The following CA12 variants were observed in gnomAD, a reference collection of about 807,000 sequenced individuals.
CA12 encodes carbonate dehydratase XII.
Under a neutral mutation model 46.8 loss-of-function variants are expected in CA12, and 36 were observed. The ratio of observed to expected loss-of-function variants is 0.77; its 90% CI spans 0.59 to 1.02. The LOEUF (loss-of-function observed/expected upper bound fraction) is 1.02. Ranked by LOEUF, CA12 falls within the 50% of genes least tolerant of loss-of-function variation. CA12 has a pLI of 0.00. For synonymous variants in CA12, 202 were observed against 187.0 expected (o/e 1.08, Z -0.65); for missense variants, 436 against 451.4 (o/e 0.97, Z 0.31).
chr15:63,377,710 T>G (rs2039594921), intron 1 of CA12, among the ~76,000 whole-genome samples: 1 of 152,216 alleles, frequency 6.6e-6, no homozygotes, highest in South Asian at 2.1e-4. Context: ...GAGCAACCAC[T>G]TTGGATCTTT....
chr15:63,380,825 C>T (rs888168905), intron 1 of CA12, among the ~76,000 whole-genome samples: 17 of 152,182 alleles, frequency 1.1e-4, no homozygotes, highest in African/African-American at 3.6e-4. Context: ...GGTCCAAAAT[C>T]ACTTTCTTAT....
rs1258461624 is a variant in CA12 at position 63,340,915 on chromosome 15, A to G, written c.526-132T>C. ...GCCTGAAGGATCCACTTTACTGGAC[A>G]ATTATGATGGATCACTAGGCTCTTG... On this transcript the variant is annotated intron_variant, in intron 5 of 10. Transcript: ENST00000178638. This position sits in a 1 kb window ranked among gnomAD's most constrained non-coding sequence, Gnocchi z 4.4. 2.7e-6 allele frequency: 2 copies of G among 748,518 alleles called. No homozygotes were observed. The highest frequency in any genetic ancestry group is 1.7e-5 in the African/African-American group (1 of 58,190). 46.4% of individuals were successfully genotyped at this position (748,518 alleles called of 1,614,324 possible).
At chr15:63,379,289 G>T (rs2039614932) in intron 1 of CA12, among the ~76,000 whole-genome samples, 1 of 152,170 alleles carries the variant, frequency 6.6e-6, no homozygotes, top group Non-Finnish European at 1.5e-5. Flanking sequence ...AGTGAGGATG[G>T]TGAGTCAAGG....
At chr15:63,357,592 G>C (rs1478878433) in intron 2 of CA12, among the ~76,000 whole-genome samples, 1 of 152,156 alleles carries the variant, frequency 6.6e-6, no homozygotes, top group African/African-American at 2.4e-5. Context: ...AGGCCTTGTG[G>C]TTCTTGTGAG....
intron 2 of CA12, among the ~76,000 whole-genome samples, chr15:63,359,581 C>T (rs1468726495): frequency 1.3e-5 from 2 of 151,998 alleles, no homozygotes; most frequent in East Asian, 1.9e-4. Context: ...CATGAGAAAC[C>T]CTCAGACAAA....
chr15:63,360,125 C>T (rs2039342910), intron 2 of CA12, among the ~76,000 whole-genome samples: 1 of 152,166 alleles, frequency 6.6e-6, no homozygotes, highest in Non-Finnish European at 1.5e-5. Context: ...ACATGAGATG[C>T]CTGGGTCAGA....
At chr15:63,379,170 CCT>C (rs1300188277) in intron 1 of CA12, 3 of 152,154 alleles carry the variant, frequency 2.0e-5, no homozygotes, top group African/African-American at 7.2e-5. Context: ...TCCCTGCCCT[CCT>C]CTCTGTGAGT....
In CA12 at chr15:63,328,347, T is replaced by C. The variant is rs1245661092; in HGVS notation, c.875-217A>G. Among the ~76,000 whole-genome samples the C allele has an allele frequency of 6.6e-6, 1 of 151,644 alleles. No individual in the cohort carries two copies. The highest frequency in any genetic ancestry group is 1.9e-4 in the East Asian group (1 of 5,180). On this transcript the variant is annotated intron_variant, in intron 8 of 10. Coordinates refer to ENST00000178638, the MANE Select transcript of CA12 (RefSeq NM_001218.5). The surrounding 1 kb of genome is among the most constrained non-coding windows in gnomAD (Gnocchi z 5.9). ...CCTCCTTCCGATGCTCCTTTTTTTT[T>C]TTTTTTTGAGATGGAATCTCGCTCT...
chr15:63,371,389 T>C (rs950479477), intron 2 of CA12, among the ~76,000 whole-genome samples: 3 of 151,972 alleles, frequency 2.0e-5, no homozygotes, highest in Non-Finnish European at 2.9e-5. Context: ...CACCGAGTCC[T>C]GCCAGAGCCG....
intron 2 of CA12, among the ~76,000 whole-genome samples, chr15:63,352,771 A>G (rs562032961): frequency 6.6e-5 from 10 of 152,338 alleles, no homozygotes; most frequent in Admixed American, 5.9e-4. Context: ...GGACAATGAT[A>G]GCTTTTGGTT....
At chr15:63,364,193 G>A (rs1163578104) in intron 2 of CA12, among the ~76,000 whole-genome samples, 1 of 150,970 alleles carries the variant, frequency 6.6e-6, no homozygotes, top group Non-Finnish European at 1.5e-5. Context: ...AAAAGTGGGG[G>A]GGCGGTGAGG....
Position 63,372,454 on chromosome 15 carries a change from G to A in CA12, c.106+3204C>T, listed in dbSNP as rs1421229820. ...AGTCAGCCTGGTGACTCAGCTATGA[G>A]GATGTAGGGGTAGAACTCCCTTTTT... On this transcript the variant is annotated intron_variant, in intron 2 of 10. Coordinates refer to ENST00000178638, the MANE Select transcript of CA12 (RefSeq NM_001218.5). The surrounding 1 kb of genome is among the most constrained non-coding windows in gnomAD (Gnocchi z 4.5). 6.6e-6 allele frequency among the ~76,000 whole-genome samples: 1 copy of A among 152,180 alleles called. No individual in the cohort carries two copies. The highest frequency in any genetic ancestry group is 1.5e-5 in the Non-Finnish European group (1 of 68,022).
intron 2 of CA12, among the ~76,000 whole-genome samples, chr15:63,369,962 C>A (rs903368438): frequency 5.9e-5 from 9 of 152,182 alleles, no homozygotes; most frequent in Non-Finnish European, 1.2e-4. Flanking sequence ...AGGATACGCA[C>A]AAACCCCAAT....
chr15:63,338,692 C>A (rs12911704), intron 8 of CA12, 127 bp downstream of exon 8: 1 of 1,269,522 alleles, frequency 7.9e-7, no homozygotes, highest in African/African-American at 1.5e-5. Flanking sequence ...GCCTGGTTCC[C>A]GTGGCAGCCA....
chr15:63,375,574 G>T (rs1205151376), intron 2 of CA12, 84 bp downstream of exon 2: 5 of 904,746 alleles, frequency 5.5e-6, no homozygotes, highest in African/African-American at 5.0e-5. Flanking sequence ...CACCTCCACA[G>T]AGCATGAAGT....
intron 8 of CA12, among the ~76,000 whole-genome samples, chr15:63,334,642 A>G (rs1210081756): frequency 1.3e-5 from 2 of 152,174 alleles, no homozygotes; most frequent in African/African-American, 2.4e-5. Flanking sequence ...ACTAAAGGCA[A>G]CAAGAAACAT....
intron 2 of CA12, among the ~76,000 whole-genome samples, chr15:63,352,299 C>T (rs1359674231): frequency 6.6e-6 from 1 of 152,238 alleles, no homozygotes; most frequent in Non-Finnish European, 1.5e-5. Flanking sequence ...TAAAGCGATC[C>T]ACCTGCCTTG....
chr15:63,340,572 T>C lies in CA12; in HGVS notation c.590-127A>G, dbSNP rs1015493658. On this transcript the variant is annotated intron_variant, in intron 6 of 10. Coordinates refer to ENST00000178638, the MANE Select transcript of CA12 (RefSeq NM_001218.5). The surrounding 1 kb of genome is among the most constrained non-coding windows in gnomAD (Gnocchi z 4.4). The stretch of plus-strand genomic sequence containing the variant: ...TTCAGGGTCATCTAACCCCAGGACC[T>C]GGTTGCAACATTGTTCAACAACCTG... The C allele has an allele frequency of 1.3e-5, 19 of 1,422,962 alleles. No individual in the cohort carries two copies. The highest frequency in any genetic ancestry group is 1.9e-5 in the Non-Finnish European group (19 of 1,007,458). The allele number at this position is 1,422,962 out of a possible 1,614,324, so 88.1% of individuals were successfully genotyped here.
Position 63,345,166 on chromosome 15 carries a change from G to A in CA12, c.429+311C>T, listed in dbSNP as rs2039129401. On this transcript the variant is annotated intron_variant, in intron 4 of 10. Transcript: ENST00000178638. This position sits in a 1 kb window ranked among gnomAD's most constrained non-coding sequence, Gnocchi z 4.3. ...GATTTTTATCTGCACAGATAGGAAGGCAATGTCTAAAAGAAGGGCATGTAT... is the reference window on the plus strand; with the variant it reads ...GATTTTTATCTGCACAGATAGGAAGACAATGTCTAAAAGAAGGGCATGTAT... Among the ~76,000 whole-genome samples the A allele has an allele frequency of 6.6e-6, 1 of 152,194 alleles. No homozygotes were observed. Among genetic ancestry groups the A allele is most frequent in the Non-Finnish European group, 1.5e-5 (1 of 68,030 alleles).
Sources: allele counts gnomAD v4.1 joint callset (sites outside exome capture counted in the v4.1 genomes callset), GRCh38; gene constraint gnomAD v4.1.1; non-coding constraint Gnocchi (gnomAD v3.1); transcripts MANE v1.5; gene names NCBI Gene and HGNC (gene_info 2026-07-23, HGNC 2026-07-21).